The following KMO variants were observed in gnomAD, a reference collection of about 807,000 sequenced individuals.
The protein encoded by KMO is kynurenine 3-monooxygenase.
In KMO, 24 loss-of-function variants were observed where a neutral mutation model predicts 57.8. That is an observed-to-expected ratio of 0.42 (90% CI 0.30 to 0.58). KMO has a LOEUF of 0.58. KMO is among the 20% of genes least tolerant of loss of function. KMO has a pLI of 0.22. For missense variants in KMO, 483 were observed against 588.2 expected (o/e 0.82, Z 1.85); for synonymous variants, 210 against 193.6 (o/e 1.08, Z -0.70).
Position 241,553,352 on chromosome 1 carries a change from G to T in KMO, c.313-2260G>T, listed in dbSNP as rs1481326405. ...ATGACAAGTCTATCAGTTCCCAGAT[G>T]ACTGATGTGGAAAGAAAATATTTTC... On this transcript the variant is annotated intron_variant, in intron 4 of 14. Coordinates refer to ENST00000366559, the MANE Select transcript of KMO (RefSeq NM_003679.5). 5.3e-5 allele frequency among the ~76,000 whole-genome samples: 8 copies of T among 152,192 alleles called. No individual in the cohort carries two copies. The East Asian group carries it at 1.5e-3, about 29-fold the overall frequency.
chr1:241,566,101 G>A (rs940474288), intron 8 of KMO, among the ~76,000 whole-genome samples: 4 of 152,192 alleles, frequency 2.6e-5, no homozygotes, highest in African/African-American at 9.7e-5. Flanking sequence ...AGCTACTCAG[G>A]AGGCTAAGGC....
At chr1:241,570,966 G>A (rs563445303) in intron 10 of KMO, among the ~76,000 whole-genome samples, 33 of 151,944 alleles carry the variant, frequency 2.2e-4, no homozygotes, top group East Asian at 1.7e-3. Context: ...TTTCATCAAC[G>A]TTTTATAGTT....
In KMO at chr1:241,592,755, CATCTATCT is replaced by C. The variant is rs3034552; in HGVS notation, c.*639_*646del. ...ATCTATCATCTATCTATCTATCTATCATCTATCTATCTATCTATCTATCTATCTATCTA... is the reference window on the plus strand; with the variant it reads ...ATCTATCATCTATCTATCTATCTATCATCTATCTATCTATCTATCTATCTA... On this transcript the variant is annotated 3_prime_UTR_variant, in exon 15 of 15. Coordinates refer to ENST00000366559, the MANE Select transcript of KMO (RefSeq NM_003679.5). 3.9e-3 allele frequency: 534 copies of C among 137,578 alleles called. No individual in the cohort carries two copies. Among genetic ancestry groups the C allele is most frequent in the Non-Finnish European group, 4.6e-3 (283 of 61,736 alleles). 8.5% of individuals were successfully genotyped at this position (137,578 alleles called of 1,614,324 possible).
At chr1:241,544,004 A>T (rs1384120374) in intron 1 of KMO, among the ~76,000 whole-genome samples, 2 of 152,196 alleles carry the variant, frequency 1.3e-5, no homozygotes, top group Admixed American at 1.3e-4. Flanking sequence ...CCATTGGCCC[A>T]TCATTGGCTT....
At chr1:241,561,672 G>C (rs1009788433) in intron 6 of KMO, among the ~76,000 whole-genome samples, 1 of 152,168 alleles carries the variant, frequency 6.6e-6, no homozygotes, top group Admixed American at 6.5e-5. Flanking sequence ...GATAATTTCA[G>C]TTTCCCTTTT....
intron 11 of KMO, among the ~76,000 whole-genome samples, chr1:241,587,400 C>G (rs114932985): frequency 2.6e-5 from 4 of 152,176 alleles, no homozygotes; most frequent in African/African-American, 9.7e-5. Context: ...AGTCACCCTA[C>G]AACACATCCT....
chr1:241,556,781 C>T (rs1006629356), intron 5 of KMO, among the ~76,000 whole-genome samples: 8 of 152,102 alleles, frequency 5.3e-5, no homozygotes, highest in Non-Finnish European at 8.8e-5. Flanking sequence ...CCCAGCTACT[C>T]GGGAGGCTGA....
chr1:241,575,069 T>C (rs1041088128), intron 10 of KMO, among the ~76,000 whole-genome samples: 2 of 152,012 alleles, frequency 1.3e-5, no homozygotes, highest in Non-Finnish European at 2.9e-5. Context: ...GTGTTCCTAG[T>C]AGTCTCAAAA....
chr1:241,593,226 C>T lies in KMO; in HGVS notation c.*1073C>T, dbSNP rs1284220829. 2 of 270,752 alleles carry T rather than the reference C, an allele frequency of 7.4e-6. No homozygotes were observed. The highest frequency in any genetic ancestry group is 8.0e-5 in the East Asian group (1 of 12,462). The allele number at this position is 270,752 out of a possible 1,614,324, so 16.8% of individuals were successfully genotyped here. A position where few individuals can be genotyped will look rare whatever the true frequency, so the allele number is the denominator to read the frequency against. On this transcript the variant is annotated 3_prime_UTR_variant, in exon 15 of 15. Transcript: ENST00000366559. ...CTTTTATAGAAATACAAAGCCATTA[C>T]TTTATTCAATTTCAGACCCTCAGAA... is the stretch of plus-strand genomic sequence containing the variant.
At chr1:241,537,621 T>C (rs61543265) in intron 1 of KMO, among the ~76,000 whole-genome samples, 3,884 of 152,220 alleles carry the variant, frequency 0.026, 75 homozygotes, top group Middle Eastern at 0.11. Context: ...AAGACCTACC[T>C]GAGACTGGGC....
chr1:241,550,032 A>G (rs958399601), intron 3 of KMO: 3 of 329,632 alleles, frequency 9.1e-6, no homozygotes, highest in African/African-American at 6.4e-5. Context: ...CACTGCCTGT[A>G]GAAAGTGAGA....
chr1:241,591,271 T>C (rs764569130), intron 14 of KMO, among the ~76,000 whole-genome samples: 3 of 152,120 alleles, frequency 2.0e-5, no homozygotes, highest in Admixed American at 1.3e-4. Flanking sequence ...TCTTCAAACA[T>C]TAACTTAAGC....
chr1:241,568,796 A>G (rs139494119), intron 10 of KMO, 149 bp downstream of exon 10: 366 of 779,482 alleles, frequency 4.7e-4, no homozygotes, highest in Admixed American at 1.2e-3. Context: ...GTGTAGCTAG[A>G]TTGATCACTC....
chr1:241,558,139 T>A (rs1389581395), intron 5 of KMO, among the ~76,000 whole-genome samples: 1 of 152,244 alleles, frequency 6.6e-6, no homozygotes, highest in Non-Finnish European at 1.5e-5. Flanking sequence ...CCAAAGCCCA[T>A]GCTTTTAATT....
At position 241,544,382 on chromosome 1, in the gene KMO, G is replaced by T. The variant is rs544126882; in HGVS notation, c.55-4447G>T. Among the ~76,000 whole-genome samples, 197 of 152,286 alleles carry T rather than the reference G, an allele frequency of 1.3e-3. 1 individual carries two copies. The highest frequency in any genetic ancestry group is 4.6e-3 in the African/African-American group (193 of 41,556). The stretch of plus-strand genomic sequence containing the variant: ...CAACTCTCACGACCTGTTGTCTTTT[G>T]TGATAATTGACTTCCTAAAAGAAAG... On this transcript the variant is annotated intron_variant, in intron 1 of 14. Transcript: ENST00000366559.
rs1021425344 is a variant in KMO at position 241,549,831 on chromosome 1, T to C, written c.222+57T>C. On this transcript the variant is annotated intron_variant, in intron 3 of 14. Transcript: ENST00000366559. ...TACCTGGTATTTTTCAACAATTGCA[T>C]GGTTTGATTTCATCCTGGCTTAAAA... is the stretch of plus-strand genomic sequence containing the variant. The C allele has an allele frequency of 5.9e-6, 6 of 1,024,592 alleles. No homozygotes were observed. In the South Asian group the frequency reaches 6.7e-5, roughly 11 times the overall value. The allele number at this position is 1,024,592 out of a possible 1,614,324, so 63.5% of individuals were successfully genotyped here. A position where few individuals can be genotyped will look rare whatever the true frequency, so the allele number is the denominator to read the frequency against.
At position 241,578,610 on chromosome 1, in the gene KMO, A is replaced by G. The variant is rs116675863; in HGVS notation, c.958-8069A>G. On this transcript the variant is annotated intron_variant, in intron 10 of 14. Transcript: ENST00000366559. ...ACCAGCTCAGATGGAGGGGAGTGAC[A>G]TAGACTCTGTGATTCCTTGGCTATA... Among the ~76,000 whole-genome samples the G allele has an allele frequency of 2.8e-3, 425 of 152,274 alleles. 2 individuals are homozygous for G. Among genetic ancestry groups the G allele is most frequent in the African/African-American group, 9.6e-3 (399 of 41,580 alleles).
At chr1:241,539,000 G>A (rs958626012) in intron 1 of KMO, among the ~76,000 whole-genome samples, 1 of 152,114 alleles carries the variant, frequency 6.6e-6, no homozygotes, top group Non-Finnish European at 1.5e-5. Flanking sequence ...AAGAAAAAGA[G>A]CACCCTCATA....
In KMO at chr1:241,554,768, C is replaced by G. The variant is rs960629266; in HGVS notation, c.313-844C>G. On this transcript the variant is annotated intron_variant, in intron 4 of 14. Coordinates refer to ENST00000366559, the MANE Select transcript of KMO (RefSeq NM_003679.5). ...GGTGGATCACCTGAGGTTAGAAGTT[C>G]GAGACCAGGCTGGCCAACATGGCAA... 1.8e-3 allele frequency among the ~76,000 whole-genome samples: 261 copies of G among 147,928 alleles called. 2 individuals are homozygous for G. Among genetic ancestry groups the G allele is most frequent in the Non-Finnish European group, 2.2e-3 (146 of 67,282 alleles).
Sources: allele counts gnomAD v4.1 joint callset (sites outside exome capture counted in the v4.1 genomes callset), GRCh38; gene constraint gnomAD v4.1.1; transcripts MANE v1.5; gene names NCBI Gene and HGNC (gene_info 2026-07-23, HGNC 2026-07-21).